The following RBM19 variants were observed in gnomAD, a reference collection of about 807,000 sequenced individuals.
RBM19 encodes RNA binding motif protein 19.
RBM19 carries 94 observed loss-of-function variants against 116.8 expected under a neutral mutation model. The ratio of observed to expected loss-of-function variants is 0.80; its 90% CI spans 0.68 to 0.95. The LOEUF (loss-of-function observed/expected upper bound fraction) is 0.95. Ranked by LOEUF, RBM19 falls within the 40% of genes least tolerant of loss-of-function variation. The pLI, the probability that RBM19 is intolerant of heterozygous loss-of-function variation, is 0.00. For missense variants in RBM19, 1,161 were observed against 1,220.7 expected (o/e 0.95, Z 0.73); for synonymous variants, 475 against 494.1 (o/e 0.96, Z 0.51).
At position 113,898,740 on chromosome 12, in the gene RBM19, C is replaced by T. The variant is rs1476805885; in HGVS notation, c.2558+16229G>A. Among the ~76,000 whole-genome samples the T allele has an allele frequency of 6.6e-6, 1 of 152,220 alleles. No homozygotes were observed. The highest frequency in any genetic ancestry group is 2.4e-5 in the African/African-American group (1 of 41,444). ...ACAGGCATTCTCTGCATTAGTATTA[C>T]TGACGTAAAAGAACCGAAACAGATT... On this transcript the variant is annotated intron_variant, in intron 21 of 23. Transcript: ENST00000261741. This position sits in a 1 kb window ranked among gnomAD's most constrained non-coding sequence, Gnocchi z 4.3.
At chr12:113,941,424 G>GT (rs1870556475) in intron 14 of RBM19, among the ~76,000 whole-genome samples, 1 of 152,232 alleles carries the variant, frequency 6.6e-6, no homozygotes, top group South Asian at 2.1e-4. Context: ...TGGAAGCACA[G>GT]TAGAGCTGCT....
At chr12:113,878,826 GAA>G (rs55682400) in intron 21 of RBM19, among the ~76,000 whole-genome samples, 2,859 of 79,050 alleles carry the variant, frequency 0.036, 141 homozygotes, top group African/African-American at 0.12. Context: ...CCAAAGAATT[GAA>G]AAAAAAAAAA....
intron 23 of RBM19, among the ~76,000 whole-genome samples, chr12:113,834,212 A>G (rs898388433): frequency 7.9e-5 from 12 of 152,220 alleles, no homozygotes; most frequent in African/African-American, 4.8e-5. Context: ...CTTTGCCCTC[A>G]GTGCCTAGAG....
Position 113,955,192 on chromosome 12 carries a change from T to G in RBM19, c.860A>C (p.Gln287Pro), listed in dbSNP as rs200727713. Reference protein sequence around the residue: ...ARAETEKPANQKEPTTCHTVK... With the variant: ...ARAETEKPANPKEPTTCHTVK... ...GGTGTGGCAGGTGGTGGGTTCCTTC[T>G]GGTTTGCTGGTTTCTCTGTCTGAGT... Residue 287 changes from glutamine (Q) to proline (P), a missense_variant, in exon 7 of 24, where the codon CAG (glutamine) becomes CCG (proline). Transcript: ENST00000261741. The G allele has an allele frequency of 1.2e-5, 19 of 1,613,988 alleles. No homozygotes were observed. The highest frequency in any genetic ancestry group is 1.1e-5 in the South Asian group (1 of 91,068).
chr12:113,820,325 G>A (rs1184310993), downstream of RBM19, among the ~76,000 whole-genome samples: 11 of 152,020 alleles, frequency 7.2e-5, no homozygotes, highest in Non-Finnish European at 1.2e-4. Context: ...AGCTTGGGTT[G>A]GACAAGCGTG....
downstream of RBM19, among the ~76,000 whole-genome samples, chr12:113,819,144 C>T (rs1221027440): frequency 3.9e-5 from 6 of 152,174 alleles, no homozygotes; most frequent in Non-Finnish European, 5.9e-5. Context: ...GGGAGACGGA[C>T]GTGAGGACAG....
rs71433305 is a variant in RBM19 at position 113,944,093 on chromosome 12, G to GTTTTTT, written c.1627-1665_1627-1660dup. ...CAGCTGCCTCTAACTCCAGATGCAT[G>GTTTTTT]TTTTTTTTTTTTTTTTTTTTTTTTG... On this transcript the variant is annotated intron_variant, in intron 13 of 23. Coordinates refer to ENST00000261741, the MANE Select transcript of RBM19 (RefSeq NM_016196.4). 5.2e-3 allele frequency among the ~76,000 whole-genome samples: 354 copies of GTTTTTT among 67,636 alleles called. 22 individuals carry two copies. Among genetic ancestry groups the GTTTTTT allele is most frequent in the African/African-American group, 0.021 (336 of 15,842 alleles). The allele number at this position is 67,636 out of a possible 152,430, so 44.4% of individuals were successfully genotyped here. A position where few individuals can be genotyped will look rare whatever the true frequency, so the allele number is the denominator to read the frequency against.
chr12:113,909,649 A>G (rs1301288139), intron 21 of RBM19, among the ~76,000 whole-genome samples: 1 of 152,156 alleles, frequency 6.6e-6, no homozygotes, highest in Non-Finnish European at 1.5e-5. Context: ...CAGAGAAGAC[A>G]GCGGAAGCTC....
At chr12:113,852,778 C>T (rs1877557675) in intron 22 of RBM19, among the ~76,000 whole-genome samples, 1 of 152,208 alleles carries the variant, frequency 6.6e-6, no homozygotes. Context: ...GATCTGAAGT[C>T]CCTTGTCCAT....
intron 19 of RBM19, among the ~76,000 whole-genome samples, chr12:113,920,118 C>G (rs1380835317): frequency 6.6e-6 from 1 of 152,212 alleles, no homozygotes; most frequent in Non-Finnish European, 1.5e-5. Context: ...ATGGTCCCTC[C>G]TCCCCAACTA....
intron 21 of RBM19, among the ~76,000 whole-genome samples, chr12:113,883,622 A>G (rs1344139662): frequency 6.6e-6 from 1 of 152,226 alleles, no homozygotes; most frequent in Non-Finnish European, 1.5e-5. Flanking sequence ...CATTTTACAG[A>G]TGAGGAAATC....
chr12:113,908,573 CAAAAAAAA>C (rs11338829), intron 21 of RBM19, among the ~76,000 whole-genome samples: 3 of 33,222 alleles, frequency 9.0e-5, no homozygotes, highest in African/African-American at 2.7e-4. Context: ...AAGAAAATAG[CAAAAAAAA>C]AAAAAAAAAA....
chr12:113,880,737 G>A (rs932432176), intron 21 of RBM19, among the ~76,000 whole-genome samples: 5 of 152,012 alleles, frequency 3.3e-5, no homozygotes, highest in South Asian at 2.1e-4. Context: ...ACAAGCCTGC[G>A]TCACGTGACC....
intron 21 of RBM19, among the ~76,000 whole-genome samples, chr12:113,864,598 G>T (rs1369388772): frequency 6.6e-6 from 1 of 152,164 alleles, no homozygotes; most frequent in Non-Finnish European, 1.5e-5. Context: ...GAGTTCCCAT[G>T]TGGCCAAGGG....
At chr12:113,904,259 G>A (rs1593559237) in intron 21 of RBM19, among the ~76,000 whole-genome samples, 2 of 152,186 alleles carry the variant, frequency 1.3e-5, no homozygotes, top group African/African-American at 2.4e-5. Flanking sequence ...CAGGGGTGAT[G>A]CTTGCTGAAG....
chr12:113,857,377 G>A (rs1202154168), intron 22 of RBM19, among the ~76,000 whole-genome samples: 4 of 152,246 alleles, frequency 2.6e-5, no homozygotes, highest in Non-Finnish European at 5.9e-5. Flanking sequence ...AACCCTGGGA[G>A]GGGGGCGCAG....
At chr12:113,819,313 TG>T (rs758887982), downstream of RBM19, among the ~76,000 whole-genome samples, 165 of 152,336 alleles carry the variant, frequency 1.1e-3, no homozygotes, top group Admixed American at 2.1e-3. Context: ...CACCTCCCTG[TG>T]TCCCTTTGGC....
At chr12:113,863,021 G>A (rs954086834) in intron 21 of RBM19, among the ~76,000 whole-genome samples, 3 of 147,138 alleles carry the variant, frequency 2.0e-5, no homozygotes, top group Admixed American at 2.0e-4. Flanking sequence ...CACAACTAGA[G>A]TTTGTTGTCA....
chr12:113,945,740 C>T, intron 13 of RBM19, 88 bp downstream of exon 13: 1 of 1,151,788 alleles, frequency 8.7e-7, no homozygotes, highest in Middle Eastern at 2.7e-4. Context: ...CCCAGCCTCA[C>T]AGCCAACAGC....
Sources: gnomAD v4.1 joint callset for allele counts (sites outside exome capture counted in the v4.1 genomes callset) on GRCh38, gnomAD v4.1.1 for gene constraint, Gnocchi (gnomAD v3.1) non-coding constraint, MANE v1.5 for transcripts, NCBI Gene and HGNC (gene_info 2026-07-23, HGNC 2026-07-21) for gene names.